The following GNL3L variants were observed in gnomAD, a reference collection of about 807,000 sequenced individuals.
GNL3L encodes the protein G protein nucleolar 3 like, also known as guanine nucleotide-binding protein-like 3-like protein.
A neutral mutation model predicts 42.9 loss-of-function variants in GNL3L; 4 were observed. The observed-to-expected ratio is 0.09, with a 90% CI of 0.05 to 0.21. The LOEUF (loss-of-function observed/expected upper bound fraction) is 0.21, where lower values mean the gene tolerates loss of function less well. Among genes scored for constraint, GNL3L ranks in the 10% least tolerant of loss-of-function variants. The pLI is 1.00. For missense variants in GNL3L, 412 were observed against 481.7 expected (o/e 0.86, Z 1.36); for synonymous variants, 159 against 176.3 (o/e 0.90, Z 0.78).
rs1182225020 is a variant in GNL3L at position 54,551,948 on chromosome X, C to T, written c.1155C>T (p.Ala385=). The T allele has an allele frequency of 2.5e-6, 3 of 1,211,585 alleles. No individual in the cohort carries two copies. The highest frequency in any genetic ancestry group is 3.4e-6 in the Non-Finnish European group (3 of 895,214). Residue 385 remains alanine (A), a synonymous_variant, in exon 12 of 16, where the codon GCC becomes GCT. Transcript: ENST00000360845. Reference sequence around the variant, plus strand: ...GCTTATATAGTCAGGAACAGGCGGCCAAAGCTGTCCTAGCTGACTGGGTGA... The same window carrying T: ...GCTTATATAGTCAGGAACAGGCGGCTAAAGCTGTCCTAGCTGACTGGGTGA... The part of the protein sequence containing the change: ...KGGLYSQEQA[A]KAVLADWVSG...
intron 16 of GNL3L, among the ~76,000 whole-genome samples, chrX:54,615,869 A>C (rs1027324038): frequency 8.9e-6 from 1 of 111,864 alleles, no homozygotes; most frequent in Non-Finnish European, 1.9e-5. Context: ...CACTCCCAGA[A>C]GCCAGTACTT....
At chrX:54,606,486 CTCTT>C (rs1198187209) in intron 16 of GNL3L, among the ~76,000 whole-genome samples, 1 of 110,656 alleles carries the variant, frequency 9.0e-6, no homozygotes, top group Non-Finnish European at 1.9e-5. Flanking sequence ...TGTTCTCTCT[CTCTT>C]TTTTTTAAGA....
chrX:54,552,805 C>T (rs773234533), intron 13 of GNL3L, among the ~76,000 whole-genome samples: 5 of 111,686 alleles, frequency 4.5e-5, no homozygotes, highest in Admixed American at 1.9e-4. Context: ...GTCCACTTCT[C>T]GATTTTCCTT....
At chrX:54,582,570 G>T (rs1925731052) in intron 16 of GNL3L, among the ~76,000 whole-genome samples, 1 of 111,743 alleles carries the variant, frequency 8.9e-6, no homozygotes, top group Non-Finnish European at 1.9e-5. Context: ...CTTCATTGTG[G>T]TTCTAGTTTG....
In GNL3L at chrX:54,563,734, C is replaced by T. The variant is rs974400970; in HGVS notation, c.*3132C>T. Among the ~76,000 whole-genome samples the T allele has an allele frequency of 1.4e-4, 15 of 109,877 alleles. No homozygotes were observed. Among genetic ancestry groups the T allele is most frequent in the African/African-American group, 2.6e-4 (8 of 30,219 alleles). ...CCAGGAGGTCGATGCTGCATTGAGC[C>T]GAGATTGTGCCACTGCTCTCCAGCG... On this transcript the variant is annotated 3_prime_UTR_variant, in exon 16 of 16. Coordinates refer to ENST00000360845, the MANE Select transcript of GNL3L (RefSeq NM_001184819.2).
chrX:54,532,871 C>G (rs1483594281), intron 2 of GNL3L, among the ~76,000 whole-genome samples: 1 of 111,424 alleles, frequency 9.0e-6, no homozygotes, highest in African/African-American at 3.3e-5. Flanking sequence ...GTTGGCCAGG[C>G]TGGTCTCGAA....
At chrX:54,540,655 C>G (rs756641133) in intron 4 of GNL3L, among the ~76,000 whole-genome samples, 14 of 111,240 alleles carry the variant, frequency 1.3e-4, no homozygotes, top group Non-Finnish European at 2.5e-4. Context: ...CCACTTTTTC[C>G]CCTTTCTTAT....
At chrX:54,558,838 G>C (rs896161104) in intron 15 of GNL3L, among the ~76,000 whole-genome samples, 183 bp downstream of exon 15, 5 of 111,801 alleles carry the variant, frequency 4.5e-5, no homozygotes, top group Non-Finnish European at 9.4e-5. Flanking sequence ...TGTATTTTTA[G>C]TAGAGACGAT....
chrX:54,560,954 C>T lies in GNL3L; in HGVS notation c.*352C>T, dbSNP rs1331598785. On this transcript the variant is annotated 3_prime_UTR_variant, in exon 16 of 16. Coordinates refer to ENST00000360845, the MANE Select transcript of GNL3L (RefSeq NM_001184819.2). ...ACTTGGGAGGCTGAGGCAGGAGAAT[C>T]GCCTGAACCTGGGAGACTAAGGCAG... The T allele has an allele frequency of 5.8e-5, 7 of 120,235 alleles. No homozygotes were observed. Among genetic ancestry groups the T allele is most frequent in the East Asian group, 4.8e-4 (2 of 4,136 alleles). 9.9% of individuals were successfully genotyped at this position (120,235 alleles called of 1,213,427 possible).
chrX:54,558,662 G>T lies in GNL3L; in HGVS notation c.1666+7G>T. ...AAGATGCAGAAACGTGCAGGTGGGAGCCCCAGACCAACCCTGTGCTCTGAA... is the reference window on the plus strand; with the variant it reads ...AAGATGCAGAAACGTGCAGGTGGGATCCCCAGACCAACCCTGTGCTCTGAA... On this transcript the variant is annotated splice_region_variant and intron_variant, in intron 15 of 15. Transcript: ENST00000360845. 3.5e-6 allele frequency: 4 copies of T among 1,156,328 alleles called. No homozygotes were observed. Among genetic ancestry groups the T allele is most frequent in the Non-Finnish European group, 4.7e-6 (4 of 850,378 alleles).
chrX:54,583,296 G>A (rs1185317196), intron 16 of GNL3L, among the ~76,000 whole-genome samples: 4 of 110,791 alleles, frequency 3.6e-5, no homozygotes, highest in South Asian at 7.7e-4. Flanking sequence ...GGGTTCAAGC[G>A]ATTCTTCTGC....
chrX:54,590,420 A>G (rs996122344), intron 16 of GNL3L, among the ~76,000 whole-genome samples: 4 of 111,923 alleles, frequency 3.6e-5, no homozygotes, highest in Non-Finnish European at 7.5e-5. Flanking sequence ...TTTTTCCTGC[A>G]TCAATTGATA....
At chrX:54,534,931 A>G (rs902774109) in intron 2 of GNL3L, among the ~76,000 whole-genome samples, 3 of 111,478 alleles carry the variant, frequency 2.7e-5, no homozygotes, top group African/African-American at 9.8e-5. Context: ...TTGTTGAGTG[A>G]AATGTCCAGA....
intron 16 of GNL3L, among the ~76,000 whole-genome samples, chrX:54,616,867 C>G (rs1168985106): frequency 1.8e-5 from 2 of 111,947 alleles, no homozygotes; most frequent in African/African-American, 6.5e-5. Context: ...TGTCAGTTAA[C>G]TTTGGTAGAG....
chrX:54,547,878 C>T (rs1924819190), intron 8 of GNL3L, among the ~76,000 whole-genome samples: 1 of 111,866 alleles, frequency 8.9e-6, no homozygotes. Context: ...CTGTTGTGCA[C>T]ACAGGGCACT....
At chrX:54,620,547 A>G (rs1926275135) in intron 16 of GNL3L, among the ~76,000 whole-genome samples, 1 of 111,996 alleles carries the variant, frequency 8.9e-6, no homozygotes, top group African/African-American at 3.2e-5. Context: ...GTTGATGGAC[A>G]CTTAAGCTGC....
intron 16 of GNL3L, among the ~76,000 whole-genome samples, chrX:54,604,325 ATCAAG>A (rs1926034549): frequency 8.9e-6 from 1 of 112,004 alleles, no homozygotes; most frequent in Non-Finnish European, 1.9e-5. Context: ...AAAAAATCAT[ATCAAG>A]TCATTTGGGA....
intron 12 of GNL3L, 142 bp from the exon 13 acceptor site, chrX:54,552,150 A>G: frequency 1.3e-6 from 1 of 787,550 alleles, no homozygotes; most frequent in East Asian, 3.2e-5. Flanking sequence ...TTATCCAGCA[A>G]CTCAACTCCT....
intron 15 of GNL3L, 50 bp downstream of exon 15, chrX:54,558,705 C>CT: frequency 3.2e-6 from 3 of 928,774 alleles, no homozygotes; most frequent in Admixed American, 2.9e-5. Flanking sequence ...CACATGGGAT[C>CT]TTTTTTTGTT....
Sources: gnomAD v4.1 joint callset for allele counts (sites outside exome capture counted in the v4.1 genomes callset) on GRCh38, gnomAD v4.1.1 for gene constraint, MANE v1.5 for transcripts, NCBI Gene and HGNC (gene_info 2026-07-23, HGNC 2026-07-21) for gene names.